The following PDLIM2 variants were observed in gnomAD, a reference collection of about 807,000 sequenced individuals.
PDLIM2 encodes PDZ and LIM domain protein 2.
In PDLIM2, 51 loss-of-function variants were observed where a neutral mutation model predicts 54.1. The ratio of observed to expected loss-of-function variants is 0.94; its 90% CI spans 0.75 to 1.19. PDLIM2 has a LOEUF of 1.19. PDLIM2 is among the 50% of genes most tolerant of loss of function. The pLI is 0.00. For synonymous variants in PDLIM2, 398 were observed against 385.6 expected (o/e 1.03, Z -0.38); for missense variants, 912 against 874.0 (o/e 1.04, Z -0.55).
chr8:22,593,076 G>T (rs1444012542), intron 9 of PDLIM2: 1 of 152,650 alleles, frequency 6.6e-6, no homozygotes, highest in Admixed American at 6.5e-5. Flanking sequence ...GTCTTGCTAT[G>T]TTGCCCAGTT....
exon 1 of PDLIM2, chr8:22,579,463 C>G: frequency 6.6e-7 from 1 of 1,517,092 alleles, no homozygotes; most frequent in South Asian, 1.2e-5. Flanking sequence ...CTGGTAGAGC[C>G]GGGCCATCGG....
chr8:22,593,381 G>T (rs746532334), intron 9 of PDLIM2: 49 of 204,626 alleles, frequency 2.4e-4, no homozygotes, highest in Non-Finnish European at 2.8e-4. Context: ...GGGCAAGACC[G>T]TCCTGGCTAA....
chr8:22,593,357 A>G, intron 9 of PDLIM2: 1 of 179,826 alleles, frequency 5.6e-6, no homozygotes, highest in South Asian at 1.4e-4. Context: ...AGGGTGGATT[A>G]CCTGAGGTTG....
intron 6 of PDLIM2, among the ~76,000 whole-genome samples, chr8:22,586,921 A>G (rs1458156532): frequency 1.3e-5 from 2 of 152,118 alleles, no homozygotes; most frequent in African/African-American, 2.4e-5. Flanking sequence ...ACGAGCCCAG[A>G]GCTGGGTGTG....
At chr8:22,579,675 A>C (rs1228298764) in intron 1 of PDLIM2, 12 of 997,240 alleles carry the variant, frequency 1.2e-5, no homozygotes, top group Non-Finnish European at 1.6e-5. Flanking sequence ...TTCTCGCAGC[A>C]CTTGCGTCCC....
At chr8:22,591,620 C>T in exon 9 of PDLIM2, 2 of 1,613,378 alleles carry the variant, frequency 1.2e-6, no homozygotes, top group South Asian at 1.1e-5. Flanking sequence ...AGGGCCCTGG[C>T]CACCCCTCCC....
chr8:22,589,687 C>G (rs753556781), exon 8 of PDLIM2: 12 of 1,575,018 alleles, frequency 7.6e-6, no homozygotes, highest in East Asian at 2.3e-5. Context: ...GGCGGCCCCC[C>G]GACAGTCCAG....
At chr8:22,579,145 G>A (rs1432879071) in exon 1 of PDLIM2, 5 of 1,319,644 alleles carry the variant, frequency 3.8e-6, no homozygotes, top group Non-Finnish European at 2.9e-6. Flanking sequence ...CGGGTAGACG[G>A]CAGCGGGAGC....
chr8:22,594,163 A>C (rs1800632092), exon 10 of PDLIM2: 5 of 1,414,846 alleles, frequency 3.5e-6, no homozygotes, highest in Non-Finnish European at 2.8e-6. Context: ...CCTTTGATCA[A>C]CCTTTGTGTG....
At chr8:22,584,607 G>A (rs1237796067) in intron 3 of PDLIM2, among the ~76,000 whole-genome samples, 1 of 152,188 alleles carries the variant, frequency 6.6e-6, no homozygotes, top group African/African-American at 2.4e-5. Flanking sequence ...CAATGTGCCT[G>A]GCCAACTGTC....
chr8:22,584,749 A>AG (rs1451538197), intron 3 of PDLIM2, 72 bp from the exon 3 acceptor site: 6 of 1,426,832 alleles, frequency 4.2e-6, no homozygotes, highest in Non-Finnish European at 5.9e-6. Flanking sequence ...ATCTGGGAAC[A>AG]GTTTTGGCCT....
chr8:22,585,032 T>C, exon 5 of PDLIM2: 1 of 1,613,974 alleles, frequency 6.2e-7, no homozygotes, highest in Admixed American at 1.7e-5. Context: ...CGTGAGGACA[T>C]ACACTGAGAG....
At chr8:22,585,597 C>T (rs1274874296) in intron 6 of PDLIM2, 198 bp downstream of exon 5, 3 of 600,496 alleles carry the variant, frequency 5.0e-6, no homozygotes, top group Admixed American at 5.8e-5. Flanking sequence ...GTGCCCAAGA[C>T]CTGCCCAGCA....
exon 1 of PDLIM2, chr8:22,579,202 C>T: frequency 1.4e-6 from 2 of 1,386,194 alleles, no homozygotes. Context: ...GGGCGCCCAG[C>T]CGGACAGGTG....
At chr8:22,581,494 G>T (rs574512829) in exon 3 of PDLIM2, 1 of 1,600,998 alleles carries the variant, frequency 6.2e-7, no homozygotes, top group East Asian at 2.2e-5. Context: ...AGCAAGATCC[G>T]CCAGAGCCCC....
intron 3 of PDLIM2, among the ~76,000 whole-genome samples, chr8:22,584,423 C>T (rs540619248): frequency 6.6e-6 from 1 of 152,222 alleles, no homozygotes; most frequent in Admixed American, 6.5e-5. Context: ...ATCCTCCCAC[C>T]TCAACCTCCC....
At chr8:22,589,458 G>C in intron 7 of PDLIM2, 84 bp downstream of exon 6, 2 of 1,529,840 alleles carry the variant, frequency 1.3e-6, no homozygotes, top group Non-Finnish European at 1.8e-6. Context: ...CGAGAGGGAT[G>C]GGGTCCCCCA....
At chr8:22,579,275 G>C in exon 1 of PDLIM2, 1 of 1,369,108 alleles carries the variant, frequency 7.3e-7, no homozygotes, top group East Asian at 3.1e-5. Context: ...CCCCGGCGCC[G>C]GGCTCCTCTC....
downstream of PDLIM2, chr8:22,597,713 A>C (rs1211930931): frequency 6.6e-6 from 1 of 152,302 alleles, no homozygotes; most frequent in Non-Finnish European, 1.5e-5. Context: ...CTACCCAGGG[A>C]GGGCTGGCAG....
Sources: allele counts gnomAD v4.1 joint callset (sites outside exome capture counted in the v4.1 genomes callset), GRCh38; gene constraint gnomAD v4.1.1; transcripts MANE v1.5; gene names NCBI Gene and HGNC (gene_info 2026-07-23, HGNC 2026-07-21).